The following THRB variants were observed in gnomAD, a reference collection of about 807,000 sequenced individuals.
The protein encoded by THRB is thyroid hormone receptor beta.
Under a neutral mutation model 47.8 loss-of-function variants are expected in THRB, and 12 were observed. The ratio of observed to expected loss-of-function variants is 0.25; its 90% CI spans 0.16 to 0.41. The LOEUF (loss-of-function observed/expected upper bound fraction) is 0.41. Among genes scored for constraint, THRB ranks in the 10% least tolerant of loss-of-function variants. THRB has a pLI of 1.00. For missense variants in THRB, 348 were observed against 589.2 expected (o/e 0.59, Z 4.24); for synonymous variants, 218 against 212.2 (o/e 1.03, Z -0.24).
At chr3:24,447,441 T>C (rs1415646971) in intron 1 of THRB, among the ~76,000 whole-genome samples, 1 of 152,178 alleles carries the variant, frequency 6.6e-6, no homozygotes, top group Non-Finnish European at 1.5e-5. Context: ...TACACCCTTC[T>C]TTGCAGTAAT....
chr3:24,374,171 A>T (rs747385834), intron 1 of THRB, among the ~76,000 whole-genome samples: 10 of 152,156 alleles, frequency 6.6e-5, no homozygotes, highest in Admixed American at 3.9e-4. Flanking sequence ...AGAGACGTAC[A>T]GGGAATGTAC....
At chr3:24,469,801 C>T (rs964618099) in intron 1 of THRB, among the ~76,000 whole-genome samples, 2 of 152,124 alleles carry the variant, frequency 1.3e-5, no homozygotes, top group Non-Finnish European at 2.9e-5. Context: ...AATGGAAAAC[C>T]GTTTGGGTAA....
chr3:24,201,005 A>C (rs1559580891), intron 4 of THRB, among the ~76,000 whole-genome samples: 1 of 152,198 alleles, frequency 6.6e-6, no homozygotes, highest in Non-Finnish European at 1.5e-5. Context: ...CCTGTATCTC[A>C]CTGATACAGT....
At chr3:24,372,693 T>G (rs1272502257) in intron 1 of THRB, among the ~76,000 whole-genome samples, 1 of 152,122 alleles carries the variant, frequency 6.6e-6, no homozygotes, top group Non-Finnish European at 1.5e-5. Context: ...TTTTCCATGC[T>G]TCTCTAACCA....
intron 1 of THRB, among the ~76,000 whole-genome samples, chr3:24,390,803 T>C (rs534834443): frequency 7.6e-5 from 11 of 145,606 alleles, no homozygotes; most frequent in Non-Finnish European, 1.2e-4. Context: ...AAAAAATATA[T>C]ATATATATAT....
chr3:24,423,622 T>C (rs2069480930), intron 1 of THRB, among the ~76,000 whole-genome samples: 1 of 151,868 alleles, frequency 6.6e-6, no homozygotes, highest in Non-Finnish European at 1.5e-5. Flanking sequence ...GACTAATGCC[T>C]TATATGTGAA....
intron 1 of THRB, among the ~76,000 whole-genome samples, chr3:24,424,530 G>C (rs1466369304): frequency 2.0e-5 from 3 of 151,896 alleles, no homozygotes; most frequent in Admixed American, 2.0e-4. Flanking sequence ...GTCTAGGGTA[G>C]GGGGTGGGGC....
intron 1 of THRB, among the ~76,000 whole-genome samples, chr3:24,349,120 TA>T (rs2063204930): frequency 6.6e-6 from 1 of 152,134 alleles, no homozygotes; most frequent in Non-Finnish European, 1.5e-5. Context: ...TATATTGGCA[TA>T]AAAATATCAA....
At chr3:24,284,665 T>G (rs965917873) in intron 3 of THRB, among the ~76,000 whole-genome samples, 4 of 148,428 alleles carry the variant, frequency 2.7e-5, no homozygotes, top group South Asian at 2.1e-4. Context: ...TGGGAGAAAA[T>G]TTTTGCAACC....
chr3:24,125,544 A>G (rs1486851388), intron 10 of THRB, among the ~76,000 whole-genome samples: 1 of 152,238 alleles, frequency 6.6e-6, no homozygotes, highest in Non-Finnish European at 1.5e-5. Flanking sequence ...ACTGAAGTCC[A>G]GAGAAGCTAG....
chr3:24,122,807 A>G lies in THRB; in HGVS notation c.*77T>C. 6.2e-7 allele frequency: 1 copy of G among 1,604,444 alleles called. No individual in the cohort carries two copies. ...TAATCCCTCCCAACACAAAGAAACAAACAAAAAAGAGCTAGGCAATGGAAT... is the reference window on the plus strand; with the variant it reads ...TAATCCCTCCCAACACAAAGAAACAGACAAAAAAGAGCTAGGCAATGGAAT... On this transcript the variant is annotated 3_prime_UTR_variant, in exon 11 of 11. Coordinates refer to ENST00000646209, the MANE Select transcript of THRB (RefSeq NM_001354712.2).
At chr3:24,305,107 T>C (rs559089595) in intron 2 of THRB, among the ~76,000 whole-genome samples, 19 of 152,212 alleles carry the variant, frequency 1.2e-4, no homozygotes, top group African/African-American at 2.7e-4. Flanking sequence ...GTCTAGCCCA[T>C]TGAAAAAGAC....
At chr3:24,402,405 G>GT (rs2067479756) in intron 1 of THRB, among the ~76,000 whole-genome samples, 1 of 151,514 alleles carries the variant, frequency 6.6e-6, no homozygotes. Context: ...TCTGTGCACT[G>GT]TCAAATTTGG....
chr3:24,242,324 AT>A (rs1206865801), intron 3 of THRB, among the ~76,000 whole-genome samples: 1 of 151,958 alleles, frequency 6.6e-6, no homozygotes, highest in East Asian at 1.9e-4. Context: ...CATGGTGATT[AT>A]TTTCCGAACA....
In THRB at chr3:24,486,232, A is replaced by G. The variant is rs140663325; in HGVS notation, c.-261+8420T>C. ...ACAGCAAAGGATTATCTGGCCGCAA[A>G]TGCCATAGCGTAGAGGAATTACCAG... On this transcript the variant is annotated intron_variant, in intron 1 of 10. Coordinates refer to ENST00000646209, the MANE Select transcript of THRB (RefSeq NM_001354712.2). 1.6e-4 allele frequency among the ~76,000 whole-genome samples: 25 copies of G among 152,290 alleles called. No individual in the cohort carries two copies. In the East Asian group the frequency reaches 4.6e-3, roughly 28 times the overall value.
At chr3:24,336,419 T>C (rs2062253059) in intron 2 of THRB, among the ~76,000 whole-genome samples, 1 of 152,228 alleles carries the variant, frequency 6.6e-6, no homozygotes. Flanking sequence ...AGCCTGAATG[T>C]CACCTTATTA....
chr3:24,440,471 C>T (rs1329119395), intron 1 of THRB, among the ~76,000 whole-genome samples: 1 of 152,028 alleles, frequency 6.6e-6, no homozygotes, highest in Non-Finnish European at 1.5e-5. Context: ...ATGTTATGAT[C>T]AATACATTTC....
At chr3:24,231,707 G>A (rs541455727) in intron 3 of THRB, among the ~76,000 whole-genome samples, 13 of 152,188 alleles carry the variant, frequency 8.5e-5, no homozygotes, top group South Asian at 6.2e-4. Context: ...CAGGTGTCCC[G>A]GGGCCTCCTT....
At chr3:24,289,121 C>A (rs957944094) in intron 3 of THRB, among the ~76,000 whole-genome samples, 2 of 152,208 alleles carry the variant, frequency 1.3e-5, no homozygotes, top group East Asian at 3.9e-4. Context: ...AGCTTGCTGG[C>A]CAAATGGGAA....
Sources: gnomAD v4.1 joint callset for allele counts (sites outside exome capture counted in the v4.1 genomes callset) on GRCh38, gnomAD v4.1.1 for gene constraint, MANE v1.5 for transcripts, NCBI Gene and HGNC (gene_info 2026-07-23, HGNC 2026-07-21) for gene names.